The following GPR174 variants were observed in gnomAD, a reference collection of about 807,000 sequenced individuals.
GPR174 encodes G protein-coupled receptor 174.
Under a neutral mutation model 16.5 loss-of-function variants are expected in GPR174, and 8 were observed. The ratio of observed to expected loss-of-function variants is 0.48; its 90% CI spans 0.28 to 0.87. The LOEUF (loss-of-function observed/expected upper bound fraction) is 0.87. GPR174 is among the 40% of genes least tolerant of loss of function. The pLI, the probability that GPR174 is intolerant of heterozygous loss-of-function variation, is 0.09. For missense variants in GPR174, 214 were observed against 247.5 expected, an observed-to-expected ratio of 0.86 and a Z score of 0.91; for synonymous variants, 111 against 94.8, an observed-to-expected ratio of 1.17 and a Z score of -0.99.
intron 1 of GPR174, among the ~76,000 whole-genome samples, chrX:79,148,998 G>A (rs1926552974): frequency 8.9e-6 from 1 of 111,784 alleles, no homozygotes; most frequent in Non-Finnish European, 1.9e-5. Flanking sequence ...GCCAAATGGT[G>A]TGCTGAAAAA....
chrX:79,152,478 G>A (rs996509511), intron 1 of GPR174, among the ~76,000 whole-genome samples: 5 of 111,395 alleles, frequency 4.5e-5, no homozygotes, highest in East Asian at 2.8e-4. Context: ...GTGAGTTATC[G>A]AATCTTGAGT....
intron 2 of GPR174, among the ~76,000 whole-genome samples, chrX:79,169,954 G>A (rs1428665923): frequency 8.9e-6 from 1 of 111,956 alleles, no homozygotes; most frequent in Non-Finnish European, 1.9e-5. Context: ...ACCAAATGGA[G>A]AGCTTTGAAA....
At chrX:79,146,793 A>G (rs1430430814) in intron 1 of GPR174, among the ~76,000 whole-genome samples, 1 of 111,854 alleles carries the variant, frequency 8.9e-6, no homozygotes, top group Non-Finnish European at 1.9e-5. Flanking sequence ...AATGCACTTC[A>G]TTATGCCCCT....
chrX:79,157,128 T>C (rs755079374), intron 2 of GPR174, among the ~76,000 whole-genome samples: 1 of 111,742 alleles, frequency 8.9e-6, no homozygotes, highest in Admixed American at 9.5e-5. Context: ...GTTTCTGGAG[T>C]ATTTGATAAA....
At position 79,147,779 on chromosome X, in the gene GPR174, T is replaced by C. The variant is rs1044018954; in HGVS notation, c.-654+2562T>C. ...GGTGAGAGTGTGAGGAAGATAAATA[T>C]ATACAGTAAGTGATAGTATGTGAAT... On this transcript the variant is annotated intron_variant, in intron 1 of 2. Transcript: ENST00000645147. 3.0e-4 allele frequency among the ~76,000 whole-genome samples: 33 copies of C among 111,493 alleles called. 1 individual carries two copies. The highest frequency in any genetic ancestry group is 1.0e-3 in the African/African-American group (32 of 30,595).
At chrX:79,163,358 A>C (rs1211690641) in intron 2 of GPR174, among the ~76,000 whole-genome samples, 1 of 112,205 alleles carries the variant, frequency 8.9e-6, no homozygotes, top group Admixed American at 9.4e-5. Context: ...GAAAAGGTCC[A>C]GAAAGTTTAC....
chrX:79,167,328 G>C (rs1921397751), intron 2 of GPR174, among the ~76,000 whole-genome samples: 1 of 111,800 alleles, frequency 8.9e-6, no homozygotes, highest in African/African-American at 3.3e-5. Flanking sequence ...TTGTCCATCT[G>C]GGAATACACA....
At chrX:79,165,827 C>CA (rs1252647778) in intron 2 of GPR174, among the ~76,000 whole-genome samples, 1 of 111,019 alleles carries the variant, frequency 9.0e-6, no homozygotes, top group Non-Finnish European at 1.9e-5. Context: ...AAGAAGACTG[C>CA]AAAAAAGTGA....
At chrX:79,149,307 CT>C (rs371706048) in intron 1 of GPR174, among the ~76,000 whole-genome samples, 8 of 111,323 alleles carry the variant, frequency 7.2e-5, no homozygotes, top group East Asian at 2.8e-4. Context: ...TTATTTTTAC[CT>C]TTTTTTCCCC....
chrX:79,163,498 T>C (rs937467337), intron 2 of GPR174, among the ~76,000 whole-genome samples: 15 of 111,455 alleles, frequency 1.3e-4, no homozygotes, highest in Non-Finnish European at 2.5e-4. Context: ...GAAGAAGGGA[T>C]TTTTCTCAGT....
intron 2 of GPR174, among the ~76,000 whole-genome samples, chrX:79,163,553 AG>A (rs2147455699): frequency 8.9e-6 from 1 of 111,961 alleles, no homozygotes; most frequent in African/African-American, 3.2e-5. Context: ...CAAGAAAAGA[AG>A]GGATAATATA....
At chrX:79,165,627 C>A (rs1390234257) in intron 2 of GPR174, among the ~76,000 whole-genome samples, 1 of 111,515 alleles carries the variant, frequency 9.0e-6, no homozygotes, top group African/African-American at 3.3e-5. Context: ...AAAATCACAC[C>A]ATATAGAGTA....
At chrX:79,165,516 G>C (rs1921339713) in intron 2 of GPR174, among the ~76,000 whole-genome samples, 1 of 110,901 alleles carries the variant, frequency 9.0e-6, no homozygotes, top group African/African-American at 3.3e-5. Flanking sequence ...AACTCTATAG[G>C]ACAAAAGGCT....
chrX:79,170,915 C>A lies in GPR174; in HGVS notation c.-93C>A. 1.3e-6 allele frequency: 1 copy of A among 762,712 alleles called. No individual in the cohort carries two copies. Among genetic ancestry groups the A allele is most frequent in the East Asian group, 3.3e-5 (1 of 30,564 alleles). 62.9% of individuals were successfully genotyped at this position (762,712 alleles called of 1,213,427 possible). On this transcript the variant is annotated 5_prime_UTR_variant, in exon 3 of 3. Coordinates refer to ENST00000645147, the MANE Select transcript of GPR174 (RefSeq NM_032553.3). ...TATTTTATACTTCGTATCTCCAACC[C>A]ACTGGCAATCAATCTTTTGGAAGGA...
intron 2 of GPR174, among the ~76,000 whole-genome samples, chrX:79,166,060 A>T (rs1921353511): frequency 9.0e-6 from 1 of 111,134 alleles, no homozygotes; most frequent in Non-Finnish European, 1.9e-5. Flanking sequence ...CTAACTTGTG[A>T]TCTTCTCATC....
At chrX:79,168,138 CTG>C (rs1481860749) in intron 2 of GPR174, among the ~76,000 whole-genome samples, 2 of 111,938 alleles carry the variant, frequency 1.8e-5, no homozygotes, top group Non-Finnish European at 3.8e-5. Flanking sequence ...CTTTTCTCTT[CTG>C]TCCAGAACTT....
At chrX:79,165,608 C>T (rs111950883) in intron 2 of GPR174, among the ~76,000 whole-genome samples, 18,072 of 111,143 alleles carry the variant, frequency 0.16, 1,298 homozygotes, top group Middle Eastern at 0.33. Flanking sequence ...TAAGGATTTT[C>T]GGTCCCTTAA....
At position 79,144,996 on chromosome X, in the gene GPR174, C is replaced by CTTTCTT. The variant is rs1424713723; in HGVS notation, c.-874_-873insTTCTTT. ...TCTTTCTTTTTCTTTCTTTCTTTCT[C>CTTTCTT]TCTCTCTCTCTTTCTTTCTTTCTTT... On this transcript the variant is annotated 5_prime_UTR_variant, in exon 1 of 3. Coordinates refer to ENST00000645147, the MANE Select transcript of GPR174 (RefSeq NM_032553.3). 21 of 72,123 alleles carry CTTTCTT rather than the reference C, an allele frequency of 2.9e-4. No individual in the cohort carries two copies. The highest frequency in any genetic ancestry group is 3.8e-4 in the Non-Finnish European group (14 of 36,930). 5.9% of individuals were successfully genotyped at this position (72,123 alleles called of 1,213,427 possible). A position where few individuals can be genotyped will look rare whatever the true frequency, so the allele number is the denominator to read the frequency against.
intron 2 of GPR174, among the ~76,000 whole-genome samples, chrX:79,163,347 T>A (rs1280906858): frequency 8.9e-6 from 1 of 112,217 alleles, no homozygotes; most frequent in African/African-American, 3.2e-5. Context: ...GATATTATGC[T>A]GAAAAGGTCC....
Sources: allele counts gnomAD v4.1 joint callset (sites outside exome capture counted in the v4.1 genomes callset), GRCh38; gene constraint gnomAD v4.1.1; transcripts MANE v1.5; gene names NCBI Gene and HGNC (gene_info 2026-07-23, HGNC 2026-07-21).